Variants in URB1 observed in about 807,000 individuals in gnomAD.
URB1 encodes nucleolar pre-ribosomal-associated protein 1.
Under a neutral mutation model 242.3 loss-of-function variants are expected in URB1, and 197 were observed. That is an observed-to-expected ratio of 0.81 (90% CI 0.72 to 0.91). The LOEUF is 0.91. URB1 is among the 40% of genes least tolerant of loss of function. URB1 has a pLI of 0.00. For synonymous variants in URB1, 1,153 were observed against 1,201.8 expected (o/e 0.96, Z 0.84); for missense variants, 2,721 against 2,860.5 (o/e 0.95, Z 1.11).
intron 8 of URB1, among the ~76,000 whole-genome samples, chr21:32,372,226 A>G (rs1342331899): frequency 2.0e-5 from 3 of 152,250 alleles, no homozygotes; most frequent in African/African-American, 7.2e-5. Flanking sequence ...TCTGAGCTCC[A>G]GCTGACGAAC....
Position 32,314,887 on chromosome 21 carries a change from C to A in URB1, c.*31G>T. On this transcript the variant is annotated 3_prime_UTR_variant, in exon 39 of 39. Transcript: ENST00000382751. ...CTGGTGCTGTGCTCGAGGCTCTGGT[C>A]ATCAGGGTGCAAGGTGCTGGCCGGC... 1.9e-6 allele frequency: 3 copies of A among 1,539,976 alleles called. No individual in the cohort carries two copies. The highest frequency in any genetic ancestry group is 2.4e-5 in the South Asian group (2 of 82,642).
rs1315309288 is a variant in URB1 at position 32,347,444 on chromosome 21, A to G, written c.3380T>C (p.Leu1127Ser). 6.4e-7 allele frequency: 1 copy of G among 1,551,166 alleles called. No homozygotes were observed. The highest frequency in any genetic ancestry group is 1.2e-5 in the South Asian group (1 of 84,002). The change falls in exon 22 of 39, where the codon TTG becomes TCG. Residue 1127 changes from leucine (L) to serine (S), a missense_variant. Physicochemically the swap from Leu to Ser is moderately radical, Grantham distance 145 (BLOSUM62 -2). Coordinates refer to ENST00000382751, the MANE Select transcript of URB1 (RefSeq NM_014825.3). ...CAGGTGTGTCTCAGGCAGGCTCAGCAAGGCCAGGGTGACCTCACGGAGCTG... is the reference window on the plus strand; with the variant it reads ...CAGGTGTGTCTCAGGCAGGCTCAGCGAGGCCAGGGTGACCTCACGGAGCTG... ...GAQLREVTLA[L>S]LSLPETHLVT...
Position 32,334,307 on chromosome 21 carries a change from C to T in URB1, c.4713G>A (p.Val1571=). 1 of 1,550,652 alleles carries T rather than the reference C, an allele frequency of 6.4e-7. No homozygotes were observed. The change falls in exon 29 of 39, where the codon GTG becomes GTA. Residue 1571 remains valine, a synonymous_variant. Coordinates refer to ENST00000382751, the MANE Select transcript of URB1 (RefSeq NM_014825.3). ...FRVLLWGPAA[V]EHHKTCRSLG... ...GGCTCCGGCACGTCTTGTGATGCTC[C>T]ACGGCCGCTGGGCCCCACAGCAGCA...
chr21:32,389,015 C>T (rs1001122496), intron 1 of URB1, among the ~76,000 whole-genome samples: 42 of 151,960 alleles, frequency 2.8e-4, no homozygotes, highest in Admixed American at 1.3e-3. Flanking sequence ...GCACCTACCG[C>T]AATCACTTAC....
At chr21:32,369,595 G>A (rs1166713952) in intron 8 of URB1, among the ~76,000 whole-genome samples, 1 of 152,068 alleles carries the variant, frequency 6.6e-6, no homozygotes, top group Non-Finnish European at 1.5e-5. Context: ...GGGTAGCTGG[G>A]ACTAGAGGTG....
chr21:32,335,010 G>A (rs2032941470), intron 28 of URB1, among the ~76,000 whole-genome samples: 5 of 151,790 alleles, frequency 3.3e-5, no homozygotes, highest in Admixed American at 3.3e-4. Context: ...CCCATCCACT[G>A]CCCTGCTGCT....
intron 38 of URB1, among the ~76,000 whole-genome samples, chr21:32,315,740 T>G (rs960899761): frequency 1.3e-5 from 2 of 152,202 alleles, no homozygotes; most frequent in Admixed American, 1.3e-4. Context: ...ATTTCCTCAG[T>G]GGCATGGGTG....
chr21:32,390,326 C>T (rs913936805), intron 1 of URB1, among the ~76,000 whole-genome samples: 1 of 152,168 alleles, frequency 6.6e-6, no homozygotes, highest in African/African-American at 2.4e-5. Flanking sequence ...GGTTCCTGTC[C>T]CTGTCCCATC....
chr21:32,340,849 A>G (rs1236650364), intron 25 of URB1, among the ~76,000 whole-genome samples: 4 of 152,162 alleles, frequency 2.6e-5, no homozygotes, highest in African/African-American at 9.7e-5. Flanking sequence ...CAGCCTAGAC[A>G]TTTGTCAGTA....
intron 24 of URB1, among the ~76,000 whole-genome samples, chr21:32,343,608 TG>T (rs1208238179): frequency 4.6e-5 from 7 of 152,164 alleles, no homozygotes; most frequent in Admixed American, 1.3e-4. Context: ...CACAGATACA[TG>T]AAGTACACAT....
At chr21:32,360,049 C>T (rs929053959) in intron 13 of URB1, 141 bp from the exon 14 acceptor site, 22 of 748,196 alleles carry the variant, frequency 2.9e-5, no homozygotes, top group African/African-American at 1.1e-4. Flanking sequence ...CTGTCCTGTG[C>T]TCACCCTCAC....
chr21:32,370,078 G>A (rs1424213362), intron 8 of URB1, among the ~76,000 whole-genome samples: 1 of 151,780 alleles, frequency 6.6e-6, no homozygotes, highest in African/African-American at 2.4e-5. Context: ...AAAGCCCCAG[G>A]ACACTAGGCT....
chr21:32,379,636 A>G (rs572498817), intron 4 of URB1, among the ~76,000 whole-genome samples: 4 of 152,186 alleles, frequency 2.6e-5, no homozygotes, highest in East Asian at 3.9e-4. Context: ...TTTACTCCTC[A>G]TAACAGCCTG....
At chr21:32,337,347 C>T (rs2032972015) in intron 27 of URB1, 57 bp downstream of exon 27, 2 of 1,478,222 alleles carry the variant, frequency 1.4e-6, no homozygotes, top group Non-Finnish European at 1.8e-6. Flanking sequence ...TCTCTGCTCA[C>T]ACCCCCGGCC....
chr21:32,388,250 G>C (rs2033603472), intron 1 of URB1, among the ~76,000 whole-genome samples: 1 of 152,118 alleles, frequency 6.6e-6, no homozygotes, highest in Non-Finnish European at 1.5e-5. Context: ...CTGTATAACG[G>C]AACAAGAACA....
intron 17 of URB1, among the ~76,000 whole-genome samples, chr21:32,354,472 C>T (rs2033195959): frequency 6.6e-6 from 1 of 152,176 alleles, no homozygotes; most frequent in South Asian, 2.1e-4. Context: ...CTAATCCTGA[C>T]TTTGCTATGT....
chr21:32,332,246 A>C (rs2032901520), intron 30 of URB1, among the ~76,000 whole-genome samples: 2 of 152,156 alleles, frequency 1.3e-5, no homozygotes. Flanking sequence ...ATTCCTCAGG[A>C]TCTAGGAGTA....
At chr21:32,348,697 T>C (rs529210260) in intron 21 of URB1, among the ~76,000 whole-genome samples, 11 of 152,312 alleles carry the variant, frequency 7.2e-5, no homozygotes, top group African/African-American at 2.6e-4. Flanking sequence ...CACGATTACA[T>C]ATTGAGAATG....
intron 17 of URB1, 119 bp from the exon 18 acceptor site, chr21:32,354,222 G>T: frequency 8.8e-7 from 1 of 1,139,868 alleles, no homozygotes; most frequent in Non-Finnish European, 1.2e-6. Flanking sequence ...AATTCCTCTT[G>T]GGGGGAGCAT....
Sources: allele counts gnomAD v4.1 joint callset (sites outside exome capture counted in the v4.1 genomes callset), GRCh38; gene constraint gnomAD v4.1.1; transcripts MANE v1.5; gene names NCBI Gene and HGNC (gene_info 2026-07-23, HGNC 2026-07-21).